Variants in RPRD1B observed in about 807,000 individuals in gnomAD.
The protein encoded by RPRD1B is regulation of nuclear pre-mRNA domain-containing protein 1B.
In RPRD1B, 11 loss-of-function variants were observed where a neutral mutation model predicts 41.5. That is an observed-to-expected ratio of 0.27 (90% CI 0.17 to 0.44). RPRD1B has a LOEUF of 0.44. Ranked by LOEUF, RPRD1B falls within the 20% of genes least tolerant of loss-of-function variation. The pLI is 1.00. For synonymous variants in RPRD1B, 158 were observed against 155.6 expected, an observed-to-expected ratio of 1.02 and a Z score of -0.12; for missense variants, 248 against 389.9, an observed-to-expected ratio of 0.64 and a Z score of 3.06.
chr20:38,045,819 T>G (rs1414103513), intron 2 of RPRD1B, among the ~76,000 whole-genome samples: 1 of 152,278 alleles, frequency 6.6e-6, no homozygotes, highest in Non-Finnish European at 1.5e-5. Context: ...AGCTAGTTCA[T>G]TAACTAAGTT....
intron 3 of RPRD1B, among the ~76,000 whole-genome samples, chr20:38,049,005 A>AGT (rs2074151115): frequency 6.6e-6 from 1 of 152,118 alleles, no homozygotes; most frequent in African/African-American, 2.4e-5. Context: ...GCTGGAGTGC[A>AGT]GTGGCGTGAT....
Position 38,033,905 on chromosome 20 carries a change from G to T in RPRD1B, c.-43G>T, listed in dbSNP as rs2073960405. Reference sequence around the variant, plus strand: ...GTGCCGTCGCTCTTCCCGCCGCACTGGGCGGCCCAGGCCGCTCCCTGCCGG... The same window carrying T: ...GTGCCGTCGCTCTTCCCGCCGCACTTGGCGGCCCAGGCCGCTCCCTGCCGG... On this transcript the variant is annotated 5_prime_UTR_variant, in exon 1 of 7. Transcript: ENST00000373433. The T allele has an allele frequency of 1.3e-6, 2 of 1,548,334 alleles. No individual in the cohort carries two copies. The highest frequency in any genetic ancestry group is 1.7e-6 in the Non-Finnish European group (2 of 1,147,430).
chr20:38,071,469 G>C (rs909537997), intron 6 of RPRD1B, among the ~76,000 whole-genome samples: 3 of 152,132 alleles, frequency 2.0e-5, no homozygotes, highest in African/African-American at 7.2e-5. Flanking sequence ...CCACCTTTTG[G>C]CTCTTATGAA....
At position 38,048,354 on chromosome 20, in the gene RPRD1B, A is replaced by G; in HGVS notation, c.288A>G (p.Ala96=). 6.2e-7 allele frequency: 1 copy of G among 1,612,362 alleles called. No homozygotes were observed. The highest frequency in any genetic ancestry group is 8.5e-7 in the Non-Finnish European group (1 of 1,178,628). ...VDAFSHVARE[A]DEGCKKPLER... is the part of the protein sequence containing the mutation. ...TTTCATCTTTTCTGGGCAGAGAGGC[A>G]GATGAAGGCTGTAAAAAACCTTTAG... The change falls in exon 3 of 7, where the codon GCA becomes GCG. Residue 96 remains alanine (A), a synonymous_variant. Coordinates refer to ENST00000373433, the MANE Select transcript of RPRD1B (RefSeq NM_021215.4).
chr20:38,034,056 G>A lies in RPRD1B; in HGVS notation c.109G>A (p.Ala37Thr). ...SLWLIHHRKH[A>T]GPIVSVWHRE... ...TTGGCTCATCCACCACCGCAAGCACGCGGGACCCATCGTCTCCGTGTGGCA... is the reference window on the plus strand; with the variant it reads ...TTGGCTCATCCACCACCGCAAGCACACGGGACCCATCGTCTCCGTGTGGCA... The change falls in exon 1 of 7, where the codon GCG (alanine) becomes ACG (threonine). Residue 37 changes from alanine to threonine, a missense_variant. Physicochemically the swap from Ala to Thr is moderately conservative, Grantham distance 58. Around this residue, in one of 5 missense-constraint regions of RPRD1B, gnomAD observed 47 missense variants for 103.6 expected, o/e 0.45. Coordinates refer to ENST00000373433, the MANE Select transcript of RPRD1B (RefSeq NM_021215.4). 1 of 1,614,180 alleles carries A rather than the reference G, an allele frequency of 6.2e-7. No individual in the cohort carries two copies. The highest frequency in any genetic ancestry group is 1.1e-5 in the South Asian group (1 of 91,088).
rs1174621576 is a variant in RPRD1B, at chr20:38,089,823, CAG to C, written c.930_931del (p.Gly312LeufsTer14). On this transcript the variant is annotated frameshift_variant, in exon 7 of 7. Coordinates refer to ENST00000373433, the MANE Select transcript of RPRD1B (RefSeq NM_021215.4). LOFTEE classifies it high-confidence loss of function. ...GACCTCTCACTGCTGCCCAACGTCA[CAG>C]GGGGCTTAGCCCCCCTGCCCTCTGC... The C allele has an allele frequency of 6.2e-7, 1 of 1,614,102 alleles. No homozygotes were observed.
intron 1 of RPRD1B, among the ~76,000 whole-genome samples, chr20:38,035,101 G>A (rs1171269111): frequency 1.3e-5 from 2 of 152,142 alleles, no homozygotes; most frequent in Non-Finnish European, 2.9e-5. Context: ...AGGAGTAAAC[G>A]GGATAATCCA....
chr20:38,063,893 C>G (rs1008476601), intron 5 of RPRD1B, among the ~76,000 whole-genome samples: 1 of 152,160 alleles, frequency 6.6e-6, no homozygotes, highest in Non-Finnish European at 1.5e-5. Flanking sequence ...TTATAAGTTA[C>G]TTTTCTGGGT....
intron 6 of RPRD1B, among the ~76,000 whole-genome samples, chr20:38,087,719 A>ACTT (rs2074574852): frequency 6.6e-6 from 1 of 152,232 alleles, no homozygotes; most frequent in Non-Finnish European, 1.5e-5. Flanking sequence ...AAAGAAGAAA[A>ACTT]GTACTTGTGG....
At position 38,090,201 on chromosome 20, in the gene RPRD1B, C is replaced by T. The variant is rs1210127339; in HGVS notation, c.*326C>T. On this transcript the variant is annotated 3_prime_UTR_variant, in exon 7 of 7. Transcript: ENST00000373433. Reference sequence around the variant, plus strand: ...GAAGTTATGAAAATCATGTGTACTTCTGGAAGCTTTCGAAAGAATCTTGTC... The same window carrying T: ...GAAGTTATGAAAATCATGTGTACTTTTGGAAGCTTTCGAAAGAATCTTGTC... 2.0e-6 allele frequency: 2 copies of T among 1,022,290 alleles called. No homozygotes were observed. The highest frequency in any genetic ancestry group is 2.3e-6 in the Non-Finnish European group (2 of 853,902). The allele number at this position is 1,022,290 out of a possible 1,614,324, so 63.3% of individuals were successfully genotyped here. A position where few individuals can be genotyped will look rare whatever the true frequency, so the allele number is the denominator to read the frequency against.
Position 38,059,516 on chromosome 20 carries a change from A to G in RPRD1B, c.651A>G (p.Ile217Met). 6.2e-7 allele frequency: 1 copy of G among 1,613,846 alleles called. No individual in the cohort carries two copies. The highest frequency in any genetic ancestry group is 8.5e-7 in the Non-Finnish European group (1 of 1,179,852). Reference protein sequence around the residue: ...EVQDVSLLEKITDKEAAERLS... With the variant: ...EVQDVSLLEKMTDKEAAERLS... ...AAGATGTTTCTCTATTGGAAAAAAT[A>G]ACAGGTGAGAAGGTAGAGTTTGGGT... The change falls in exon 5 of 7, where the codon ATA (isoleucine) becomes ATG (methionine). Residue 217 changes from isoleucine (I) to methionine (M), a missense_variant. This residue lies in a region of RPRD1B where 93 missense variants were observed against 167.2 expected (regional missense o/e 0.56). Transcript: ENST00000373433.
rs908274661 is a variant in RPRD1B at position 38,090,378 on chromosome 20, A to G, written c.*503A>G. ...AAAAGGTTGTAGGCACAGCTGTCGT[A>G]GCGTTGCCATAAAGAGTTTGCCAAA... On this transcript the variant is annotated 3_prime_UTR_variant, in exon 7 of 7. Transcript: ENST00000373433. 2.0e-6 allele frequency: 2 copies of G among 986,216 alleles called. No individual in the cohort carries two copies. Among genetic ancestry groups the G allele is most frequent in the Non-Finnish European group, 2.4e-6 (2 of 830,212 alleles). The allele number at this position is 986,216 out of a possible 1,614,324, so 61.1% of individuals were successfully genotyped here. A position where few individuals can be genotyped will look rare whatever the true frequency, so the allele number is the denominator to read the frequency against.
chr20:38,082,234 G>A (rs186800650), intron 6 of RPRD1B, among the ~76,000 whole-genome samples: 52 of 152,102 alleles, frequency 3.4e-4, no homozygotes, highest in African/African-American at 1.2e-3. Context: ...ATTCAATTTT[G>A]GAACTCGTTA....
Position 38,061,351 on chromosome 20 carries a change from C to T in RPRD1B, c.655+1831C>T, listed in dbSNP as rs115211951. ...TTTAGCTTTTTGTCTGTTCCTTTCC[C>T]GAACCTGTGTAGTGGAATGTGGCTG... On this transcript the variant is annotated intron_variant, in intron 5 of 6. Transcript: ENST00000373433. 6.4e-3 allele frequency among the ~76,000 whole-genome samples: 980 copies of T among 152,258 alleles called. 7 individuals carry two copies. The highest frequency in any genetic ancestry group is 0.017 in the African/African-American group (699 of 41,528).
chr20:38,046,316 C>T (rs2074120499), intron 2 of RPRD1B, among the ~76,000 whole-genome samples: 1 of 152,116 alleles, frequency 6.6e-6, no homozygotes. Context: ...TCTGCCATGA[C>T]CTTGATACAG....
intron 6 of RPRD1B, among the ~76,000 whole-genome samples, chr20:38,067,213 T>C (rs1454929204): frequency 1.3e-5 from 2 of 152,230 alleles, no homozygotes; most frequent in Admixed American, 1.3e-4. Flanking sequence ...CAGTACTTGC[T>C]CCCGTGGGAT....
intron 6 of RPRD1B, among the ~76,000 whole-genome samples, chr20:38,079,585 A>G (rs1004235374): frequency 3.3e-5 from 5 of 152,164 alleles, no homozygotes; most frequent in Non-Finnish European, 7.3e-5. Flanking sequence ...ATAGTATTCC[A>G]TGGTATATAT....
At position 38,092,016 on chromosome 20, in the gene RPRD1B, C is replaced by T; in HGVS notation, c.*2141C>T. On this transcript the variant is annotated 3_prime_UTR_variant, in exon 7 of 7. Coordinates refer to ENST00000373433, the MANE Select transcript of RPRD1B (RefSeq NM_021215.4). ...TTTTAAATCTTAATTCTGCTGTCCA[C>T]ATCCTCCCAAAGTGTGCTTACTTCA... 1 of 985,832 alleles carries T rather than the reference C, an allele frequency of 1.0e-6. No individual in the cohort carries two copies. The highest frequency in any genetic ancestry group is 1.2e-6 in the Non-Finnish European group (1 of 829,906). 61.1% of individuals were successfully genotyped at this position (985,832 alleles called of 1,614,324 possible). A position where few individuals can be genotyped will look rare whatever the true frequency, so the allele number is the denominator to read the frequency against.
At chr20:38,047,901 G>A (rs1323348075) in intron 2 of RPRD1B, among the ~76,000 whole-genome samples, 1 of 152,148 alleles carries the variant, frequency 6.6e-6, no homozygotes, top group Non-Finnish European at 1.5e-5. Context: ...ACATGTAGAG[G>A]TGTTGGTGTG....
Sources: allele counts gnomAD v4.1 joint callset (sites outside exome capture counted in the v4.1 genomes callset), GRCh38; gene constraint gnomAD v4.1.1; regional missense constraint gnomAD v4.1.1; transcripts MANE v1.5; gene names NCBI Gene and HGNC (gene_info 2026-07-23, HGNC 2026-07-21).